RGL1: variants seen among roughly 807,000 people sequenced by gnomAD.
RGL1 encodes ral guanine nucleotide dissociation stimulator like 1.
In RGL1, 24 loss-of-function variants were observed where a neutral mutation model predicts 95.2. The observed-to-expected ratio is 0.25, with a 90% CI of 0.18 to 0.35. RGL1 has a LOEUF of 0.35. Ranked by LOEUF, RGL1 falls within the 10% of genes least tolerant of loss-of-function variation. RGL1 has a pLI of 1.00. For missense variants in RGL1, 715 were observed against 936.3 expected (o/e 0.76, Z 3.08); for synonymous variants, 329 against 344.9 (o/e 0.95, Z 0.51).
intron 2 of RGL1, among the ~76,000 whole-genome samples, chr1:183,764,334 A>G (rs1476387144): frequency 6.6e-6 from 1 of 152,170 alleles, no homozygotes; most frequent in Non-Finnish European, 1.5e-5. Context: ...GAAAACAGGA[A>G]TCAGGGAGGA....
chr1:183,739,494 A>G (rs1433659622), intron 1 of RGL1, among the ~76,000 whole-genome samples: 1 of 152,252 alleles, frequency 6.6e-6, no homozygotes, highest in Non-Finnish European at 1.5e-5. Context: ...TTGCCGTAAA[A>G]TGGTGATATC....
At chr1:183,766,301 T>C (rs775214985) in intron 2 of RGL1, among the ~76,000 whole-genome samples, 1 of 152,024 alleles carries the variant, frequency 6.6e-6, no homozygotes, top group Non-Finnish European at 1.5e-5. Flanking sequence ...GGCCCAACAA[T>C]GATAAGGTTT....
At chr1:183,814,996 G>A (rs1349957553) in intron 2 of RGL1, among the ~76,000 whole-genome samples, 1 of 152,226 alleles carries the variant, frequency 6.6e-6, no homozygotes, top group African/African-American at 2.4e-5. Context: ...ACTTGGCTGA[G>A]CGCGGTGGCT....
At chr1:183,659,847 A>G (rs368880001) in intron 1 of RGL1, among the ~76,000 whole-genome samples, 6,077 of 145,048 alleles carry the variant, frequency 0.042, 251 homozygotes, top group African/African-American at 0.1. Context: ...CATCAGACTA[A>G]CAGTGGATCT....
intron 1 of RGL1, among the ~76,000 whole-genome samples, chr1:183,719,557 T>C (rs1655861660): frequency 6.6e-6 from 1 of 152,082 alleles, no homozygotes; most frequent in Admixed American, 6.6e-5. Context: ...TGGGGATTAC[T>C]AGGAAGAAGT....
intron 1 of RGL1, among the ~76,000 whole-genome samples, chr1:183,805,956 T>TTTTTCTTTTC (rs1298042048): frequency 2.5e-4 from 35 of 139,878 alleles, no homozygotes; most frequent in African/African-American, 8.7e-4. Context: ...TTTCTTTTTC[T>TTTTTCTTTTC]TTTTCTTTTC....
intron 1 of RGL1, among the ~76,000 whole-genome samples, chr1:183,676,008 A>G (rs555579966): frequency 6.6e-6 from 1 of 152,054 alleles, no homozygotes; most frequent in Non-Finnish European, 1.5e-5. Flanking sequence ...TTAGCTTGGC[A>G]TGGTGATGTG....
chr1:183,678,169 T>G (rs1652960532), intron 1 of RGL1, among the ~76,000 whole-genome samples: 1 of 152,216 alleles, frequency 6.6e-6, no homozygotes, highest in African/African-American at 2.4e-5. Flanking sequence ...GTCTATTTGC[T>G]TTTCCTCATA....
At chr1:183,728,204 G>A (rs1656421349) in intron 1 of RGL1, among the ~76,000 whole-genome samples, 1 of 152,154 alleles carries the variant, frequency 6.6e-6, no homozygotes, top group African/African-American at 2.4e-5. Flanking sequence ...CAGTTCTACT[G>A]ATTCTCAAGC....
At chr1:183,883,622 AG>A (rs1367971876) in intron 5 of RGL1, among the ~76,000 whole-genome samples, 163 bp from the exon 6 acceptor site, 2 of 152,244 alleles carry the variant, frequency 1.3e-5, no homozygotes, top group Non-Finnish European at 2.9e-5. Flanking sequence ...AGAGATGGGA[AG>A]ATCTCCATTG....
At chr1:183,889,236 GA>G (rs1372929635) in intron 8 of RGL1, among the ~76,000 whole-genome samples, 5 of 152,134 alleles carry the variant, frequency 3.3e-5, no homozygotes, top group Admixed American at 2.6e-4. Flanking sequence ...GCAAAGGAAG[GA>G]AAGGTGAGGG....
intron 16 of RGL1, among the ~76,000 whole-genome samples, chr1:183,919,187 A>G (rs141064051): frequency 2.8e-4 from 42 of 152,378 alleles, no homozygotes; most frequent in Non-Finnish European, 4.9e-4. Flanking sequence ...TTTTTTAATG[A>G]AAAATATCTA....
chr1:183,922,192 A>G, intron 16 of RGL1, 30 bp from the exon 17 acceptor site: 1 of 1,575,584 alleles, frequency 6.3e-7, no homozygotes, highest in Non-Finnish European at 8.7e-7. Flanking sequence ...GAAGCTAAGT[A>G]CTTTACAAAC....
chr1:183,681,622 T>C (rs1239554096), intron 1 of RGL1, among the ~76,000 whole-genome samples: 1 of 152,230 alleles, frequency 6.6e-6, no homozygotes, highest in Non-Finnish European at 1.5e-5. Flanking sequence ...TCAAAGATAT[T>C]GGCCTGAAAT....
intron 1 of RGL1, among the ~76,000 whole-genome samples, chr1:183,668,940 C>T (rs1174673): frequency 0.85 from 116,473 of 137,632 alleles, 49,651 homozygotes; most frequent in East Asian, 0.97. Context: ...ACTTTCTTTT[C>T]TTTTTTTTTT....
intron 1 of RGL1, among the ~76,000 whole-genome samples, chr1:183,704,328 A>G (rs912381390): frequency 6.6e-6 from 1 of 152,144 alleles, no homozygotes; most frequent in Non-Finnish European, 1.5e-5. Context: ...GTGTGAGTGC[A>G]CTATGTGGAA....
chr1:183,749,035 T>A (rs545597805), intron 2 of RGL1, among the ~76,000 whole-genome samples: 1 of 152,338 alleles, frequency 6.6e-6, no homozygotes, highest in East Asian at 1.9e-4. Flanking sequence ...ATGTTTTACT[T>A]CCAATTATGT....
At chr1:183,801,346 G>GT (rs995772441), upstream of RGL1, among the ~76,000 whole-genome samples, 45 of 150,806 alleles carry the variant, frequency 3.0e-4, no homozygotes, top group South Asian at 2.7e-3. Context: ...TTTAAATTGG[G>GT]TTTTTTTTTC....
chr1:183,769,609 CAT>C (rs1659173918), intron 2 of RGL1, among the ~76,000 whole-genome samples: 1 of 152,208 alleles, frequency 6.6e-6, no homozygotes, highest in African/African-American at 2.4e-5. Context: ...GATACACAAA[CAT>C]AAAGCTCCAA....
Sources: gnomAD v4.1 joint callset for allele counts (sites outside exome capture counted in the v4.1 genomes callset) on GRCh38, gnomAD v4.1.1 for gene constraint, MANE v1.5 for transcripts, NCBI Gene and HGNC (gene_info 2026-07-23, HGNC 2026-07-21) for gene names.